COL4A6: variants seen among roughly 807,000 people sequenced by gnomAD.
COL4A6 encodes the protein collagen type IV alpha 6 chain.
Under a neutral mutation model 126.7 loss-of-function variants are expected in COL4A6, and 59 were observed. That is an observed-to-expected ratio of 0.47 (90% confidence interval 0.38 to 0.58). The LOEUF is 0.58. Among genes scored for constraint, COL4A6 ranks in the 20% least tolerant of loss-of-function variants. The pLI, the probability that COL4A6 is intolerant of heterozygous loss-of-function variation, is 0.00. For synonymous variants in COL4A6, 547 were observed against 496.6 expected (o/e 1.10, Z -1.35); for missense variants, 1,285 against 1,337.3 (o/e 0.96, Z 0.61).
At chrX:108,216,407 A>G (rs1160691750) in intron 5 of COL4A6, among the ~76,000 whole-genome samples, 1 of 111,840 alleles carries the variant, frequency 8.9e-6, no homozygotes, top group Non-Finnish European at 1.9e-5. Context: ...GATGACTAAT[A>G]CCTACCTTAT....
rs2034251638 is a variant in COL4A6, at chrX:108,169,931, A to G, written c.3565+14T>C. The stretch of plus-strand genomic sequence containing the variant: ...AGCTGATGCCCTCCTCTTCACCCTG[A>G]GGGTCTTCCTAACCTGGAGTGCCAT... On this transcript the variant is annotated intron_variant, in intron 36 of 44. Transcript: ENST00000334504. 1 of 1,171,416 alleles carries G rather than the reference A, an allele frequency of 8.5e-7. No individual in the cohort carries two copies. Among genetic ancestry groups the G allele is most frequent in the Non-Finnish European group, 1.1e-6 (1 of 872,087 alleles).
Position 108,195,094 on chromosome X carries a change from A to T in COL4A6, c.936T>A (p.Pro312=). 2.5e-6 allele frequency: 3 copies of T among 1,205,481 alleles called. No individual in the cohort carries two copies. Among genetic ancestry groups the T allele is most frequent in the Non-Finnish European group, 3.4e-6 (3 of 891,555 alleles). Residue 312 remains proline (P), a synonymous_variant, in exon 15 of 45, where the codon CCT becomes CCA. Transcript: ENST00000334504. ...TTAACCAAAATACCTGTTGCCCTGGAGGGCCTTGGACTCCTTCTGAACCCA... is the reference window on the plus strand; with the variant it reads ...TTAACCAAAATACCTGTTGCCCTGGTGGGCCTTGGACTCCTTCTGAACCCA... ...GPMGSEGVQG[P]PGQQGKKGTL... is the part of the protein sequence containing the mutation.
intron 3 of COL4A6, among the ~76,000 whole-genome samples, chrX:108,247,203 T>G (rs1405448168): frequency 9.0e-6 from 1 of 111,217 alleles, no homozygotes; most frequent in Non-Finnish European, 1.9e-5. Context: ...ATCCTTACTC[T>G]GATCCTTCCT....
At chrX:108,432,813 G>T (rs1251176650) in intron 2 of COL4A6, among the ~76,000 whole-genome samples, 1 of 111,263 alleles carries the variant, frequency 9.0e-6, no homozygotes, top group African/African-American at 3.3e-5. Flanking sequence ...TCCAGCCTGG[G>T]TGACATAGTG....
intron 2 of COL4A6, among the ~76,000 whole-genome samples, chrX:108,408,690 G>A (rs929520605): frequency 3.6e-5 from 4 of 111,674 alleles, no homozygotes; most frequent in East Asian, 5.6e-4. Context: ...GGCCAGGCAC[G>A]GTGGCTCACG....
At chrX:108,343,202 G>A (rs1380413536) in intron 2 of COL4A6, among the ~76,000 whole-genome samples, 1 of 97,915 alleles carries the variant, frequency 1.0e-5, no homozygotes, top group African/African-American at 3.7e-5. Context: ...GTGTGTGTGT[G>A]TGTATGTACA....
intron 2 of COL4A6, among the ~76,000 whole-genome samples, chrX:108,352,290 T>C (rs955937303): frequency 8.9e-6 from 1 of 112,848 alleles, no homozygotes; most frequent in East Asian, 2.8e-4. Context: ...CATTTTACTC[T>C]GTGGAATGTG....
rs188928846 is a variant in COL4A6, at chrX:108,406,689, C to T, written c.63+31253G>A. ...TTATCCTCAATGCCGCAACCTATGC[C>T]TGAAATAGTCTTTCTTTCCATCCTC... On this transcript the variant is annotated intron_variant, in intron 2 of 44. Transcript: ENST00000334504. Among the ~76,000 whole-genome samples the T allele has an allele frequency of 2.1e-4, 24 of 112,189 alleles. No homozygotes were observed. In the East Asian group the frequency reaches 6.7e-3, roughly 31 times the overall value.
At chrX:108,360,665 TAGCTGGG>T (rs1461004258) in intron 2 of COL4A6, among the ~76,000 whole-genome samples, 2 of 108,684 alleles carry the variant, frequency 1.8e-5, no homozygotes, top group Admixed American at 9.9e-5. Flanking sequence ...GCCTCCCGAG[TAGCTGGG>T]ATTACAGGCA....
chrX:108,173,794 A>G (rs1464039324), intron 31 of COL4A6, among the ~76,000 whole-genome samples: 1 of 112,198 alleles, frequency 8.9e-6, no homozygotes, highest in Non-Finnish European at 1.9e-5. Flanking sequence ...AGAGCTAATG[A>G]GCAATGGAGC....
At chrX:108,386,329 CCCA>C (rs887580296) in intron 2 of COL4A6, among the ~76,000 whole-genome samples, 4 of 112,057 alleles carry the variant, frequency 3.6e-5, no homozygotes, top group Non-Finnish European at 7.5e-5. Flanking sequence ...AATTTACACT[CCCA>C]CCAACAGTGT....
chrX:108,238,229 C>A (rs1380093002), intron 3 of COL4A6, among the ~76,000 whole-genome samples: 1 of 108,406 alleles, frequency 9.2e-6, no homozygotes, highest in Admixed American at 9.9e-5. Context: ...CCTCAGCCTC[C>A]AGAGTAGCTG....
intron 2 of COL4A6, among the ~76,000 whole-genome samples, chrX:108,363,155 C>A (rs2040124903): frequency 8.9e-6 from 1 of 111,812 alleles, no homozygotes; most frequent in South Asian, 3.7e-4. Context: ...TGATGTGTGT[C>A]GTACTGGAAG....
At chrX:108,354,189 G>A (rs1263262276) in intron 2 of COL4A6, among the ~76,000 whole-genome samples, 2 of 111,165 alleles carry the variant, frequency 1.8e-5, no homozygotes, top group African/African-American at 6.5e-5. Context: ...GCTATGAGAA[G>A]AGTAATTTAG....
intron 2 of COL4A6, among the ~76,000 whole-genome samples, chrX:108,356,599 C>A (rs1316772127): frequency 9.0e-6 from 1 of 110,868 alleles, no homozygotes. Context: ...ACCCCTGAGC[C>A]CCAAGACTTA....
At chrX:108,337,674 T>C (rs2039464659) in intron 2 of COL4A6, among the ~76,000 whole-genome samples, 1 of 112,469 alleles carries the variant, frequency 8.9e-6, no homozygotes, top group Non-Finnish European at 1.9e-5. Flanking sequence ...ACTGTAAACA[T>C]GGGGATATGA....
At chrX:108,180,801 T>A (rs2034660610) in intron 24 of COL4A6, 96 bp downstream of exon 24, 2 of 942,567 alleles carry the variant, frequency 2.1e-6, no homozygotes, top group Non-Finnish European at 3.0e-6. Flanking sequence ...TCAGGAGGAA[T>A]GTGGATCCCC....
rs200299007 is a variant in COL4A6, at chrX:108,180,907, G to A, written c.2013C>T (p.Pro671=). The A allele has an allele frequency of 1.8e-5, 22 of 1,208,241 alleles. No individual in the cohort carries two copies. The highest frequency in any genetic ancestry group is 1.1e-4 in the Admixed American group (5 of 45,836). The change falls in exon 24 of 45, where the codon CCC becomes CCT. Residue 671 remains proline, a synonymous_variant. Transcript: ENST00000334504. ...GGCCTCATTCCATACCTGGGAATCC[G>A]GGAGTGCCTGGAAATCCTGATGGAC... ...SYGPSGFPGT[P]GFPGPKGSRG...
rs1368948830 is a variant in COL4A6, at chrX:108,188,507, C to A, written c.1587+10G>T. 4 of 1,099,360 alleles carry A rather than the reference C, an allele frequency of 3.6e-6. No homozygotes were observed. The highest frequency in any genetic ancestry group is 3.3e-5 in the Admixed American group (1 of 29,897). The allele number at this position is 1,099,360 out of a possible 1,213,427, so 90.6% of individuals were successfully genotyped here. A position where few individuals can be genotyped will look rare whatever the true frequency, so the allele number is the denominator to read the frequency against. Reference sequence around the variant, plus strand: ...TTGCTTCCTCAGGGTCAAAGTTTGGCAAGACTTACTGGAGCCCCTGCTGGG... The same window carrying A: ...TTGCTTCCTCAGGGTCAAAGTTTGGAAAGACTTACTGGAGCCCCTGCTGGG... On this transcript the variant is annotated intron_variant, in intron 21 of 44. Transcript: ENST00000334504.
Sources: gnomAD v4.1 joint callset for allele counts (sites outside exome capture counted in the v4.1 genomes callset) on GRCh38, gnomAD v4.1.1 for gene constraint, MANE v1.5 for transcripts, NCBI Gene and HGNC (gene_info 2026-07-23, HGNC 2026-07-21) for gene names.